Variants in RGS6 observed in about 807,000 individuals in gnomAD.
RGS6 encodes the protein regulator of G-protein signaling 6.
Under a neutral mutation model 78.5 loss-of-function variants are expected in RGS6, and 30 were observed. The ratio of observed to expected loss-of-function variants is 0.38; its 90% CI spans 0.29 to 0.52. The LOEUF is 0.52. Among genes scored for constraint, RGS6 ranks in the 20% least tolerant of loss-of-function variants. The probability of loss-of-function intolerance (pLI) is 0.85; values close to 1 mark genes in which losing one functional copy is unlikely to be tolerated. For synonymous variants in RGS6, 206 were observed against 206.0 expected (o/e 1.00, Z 0.00); for missense variants, 495 against 609.7 (o/e 0.81, Z 1.98).
chr14:72,337,972 T>A (rs957349282), intron 2 of RGS6, among the ~76,000 whole-genome samples: 1 of 152,212 alleles, frequency 6.6e-6, no homozygotes, highest in African/African-American at 2.4e-5. Context: ...AAAAATAAGT[T>A]TCTCTTTCAG....
chr14:72,426,831 C>A (rs2094452126), intron 3 of RGS6, among the ~76,000 whole-genome samples: 1 of 152,138 alleles, frequency 6.6e-6, no homozygotes, highest in African/African-American at 2.4e-5. Flanking sequence ...ATCTTGTGTC[C>A]CACATACTGT....
At chr14:72,311,969 G>C (rs1275534519) in intron 2 of RGS6, among the ~76,000 whole-genome samples, 1 of 152,154 alleles carries the variant, frequency 6.6e-6, no homozygotes, top group Non-Finnish European at 1.5e-5. Flanking sequence ...GCAGCAATCT[G>C]AAGAGGCCCC....
chr14:72,153,135 C>A (rs975063421), intron 2 of RGS6, among the ~76,000 whole-genome samples: 1 of 152,092 alleles, frequency 6.6e-6, no homozygotes, highest in African/African-American at 2.4e-5. Flanking sequence ...GGGAAATTAT[C>A]CCACTTCAAA....
At chr14:72,398,472 A>G (rs1477741447) in intron 3 of RGS6, among the ~76,000 whole-genome samples, 1 of 152,074 alleles carries the variant, frequency 6.6e-6, no homozygotes, top group Non-Finnish European at 1.5e-5. Context: ...CTAGTGGTCT[A>G]TCAATTTTGT....
intron 2 of RGS6, among the ~76,000 whole-genome samples, chr14:72,225,937 C>T (rs908609605): frequency 1.4e-4 from 21 of 152,180 alleles, no homozygotes; most frequent in African/African-American, 4.6e-4. Flanking sequence ...TAACATCTTT[C>T]TATGCTTATA....
chr14:72,186,472 G>A (rs1156585765), intron 2 of RGS6, among the ~76,000 whole-genome samples: 1 of 152,168 alleles, frequency 6.6e-6, no homozygotes, highest in Non-Finnish European at 1.5e-5. Context: ...GAGGGGAGAG[G>A]TCTTCTGCTA....
chr14:71,907,022 G>A, the RGS6 span, among the ~76,000 whole-genome samples: 10 of 152,264 alleles, frequency 6.6e-5, no homozygotes, highest in South Asian at 1.9e-3. Flanking sequence ...GTAAGAAAAG[G>A]GAGGCTTGGG....
intron 2 of RGS6, among the ~76,000 whole-genome samples, chr14:72,303,238 C>T (rs371913520): frequency 1.3e-4 from 20 of 152,306 alleles, no homozygotes; most frequent in Non-Finnish European, 2.4e-4. Context: ...TGGTGGCTCA[C>T]GCTTGTAATC....
chr14:72,292,477 C>T (rs926984751), intron 2 of RGS6, among the ~76,000 whole-genome samples: 1 of 152,238 alleles, frequency 6.6e-6, no homozygotes, highest in Non-Finnish European at 1.5e-5. Flanking sequence ...CTTAGAATTA[C>T]TCATATCTGC....
At chr14:72,246,567 T>C (rs973109531) in intron 2 of RGS6, among the ~76,000 whole-genome samples, 5 of 152,246 alleles carry the variant, frequency 3.3e-5, no homozygotes, top group African/African-American at 1.2e-4. Context: ...TAAAAGACTA[T>C]GTTTTATGTT....
At chr14:72,469,450 A>ACCTG (rs2096016089) in intron 7 of RGS6, 1 of 152,336 alleles carries the variant, frequency 6.6e-6, no homozygotes, top group African/African-American at 2.4e-5. Context: ...CAGGTGATCC[A>ACCTG]CCTGCCTTGG....
chr14:72,369,696 A>G (rs1249502493), intron 3 of RGS6, among the ~76,000 whole-genome samples: 1 of 152,230 alleles, frequency 6.6e-6, no homozygotes, highest in Non-Finnish European at 1.5e-5. Flanking sequence ...ATGTAGTAGA[A>G]TTATTTAATA....
At chr14:72,519,562 A>G (rs1370091414) in intron 15 of RGS6, among the ~76,000 whole-genome samples, 1 of 152,192 alleles carries the variant, frequency 6.6e-6, no homozygotes, top group African/African-American at 2.4e-5. Context: ...CAGAACTTCA[A>G]GATGGAAACA....
At chr14:72,304,899 T>C (rs1449207418) in intron 2 of RGS6, among the ~76,000 whole-genome samples, 2 of 125,120 alleles carry the variant, frequency 1.6e-5, no homozygotes, top group East Asian at 4.9e-4. Flanking sequence ...AATAAAAAAA[T>C]TAATAAACAT....
chr14:72,375,639 T>G (rs150091118), intron 3 of RGS6, among the ~76,000 whole-genome samples: 434 of 152,330 alleles, frequency 2.8e-3, no homozygotes, highest in Non-Finnish European at 4.7e-3. Context: ...ACCCACTGTG[T>G]GCAGACATAT....
chr14:72,405,143 GCTAAGAA>G (rs1445326524), intron 3 of RGS6, among the ~76,000 whole-genome samples: 1 of 152,194 alleles, frequency 6.6e-6, no homozygotes, highest in Non-Finnish European at 1.5e-5. Context: ...GGGTCGCTGT[GCTAAGAA>G]CGTAAAGGGG....
intron 15 of RGS6, among the ~76,000 whole-genome samples, chr14:72,524,730 C>CTT (rs142824656): frequency 0.033 from 4,950 of 151,488 alleles, 271 homozygotes; most frequent in African/African-American, 0.11. Context: ...GCCCAGATGG[C>CTT]TTTTTTTTTG....
intron 2 of RGS6, among the ~76,000 whole-genome samples, chr14:72,310,416 C>G (rs1296080794): frequency 6.6e-6 from 1 of 152,134 alleles, no homozygotes; most frequent in African/African-American, 2.4e-5. Flanking sequence ...ATTCCTAGGC[C>G]CCTTGACCTT....
chr14:72,182,304 G>GTGGT (rs1005103280), intron 2 of RGS6, among the ~76,000 whole-genome samples: 8 of 151,714 alleles, frequency 5.3e-5, no homozygotes, highest in African/African-American at 1.9e-4. Context: ...TAGCTACTCA[G>GTGGT]TGGTACATGC....
Sources: gnomAD v4.1 joint callset for allele counts (sites outside exome capture counted in the v4.1 genomes callset) on GRCh38, gnomAD v4.1.1 for gene constraint, MANE v1.5 for transcripts, NCBI Gene and HGNC (gene_info 2026-07-23, HGNC 2026-07-21) for gene names.